The following STK39 variants were observed in gnomAD, a reference collection of about 807,000 sequenced individuals.
The protein encoded by STK39 is STE20/SPS1-related proline-alanine-rich protein kinase.
In STK39, 20 loss-of-function variants were observed where a neutral mutation model predicts 77.8. The ratio of observed to expected loss-of-function variants is 0.26; its 90% CI spans 0.18 to 0.37. The LOEUF is 0.37. Ranked by LOEUF, STK39 falls within the 10% of genes least tolerant of loss-of-function variation. The pLI is 1.00. For missense variants in STK39, 479 were observed against 656.5 expected (o/e 0.73, Z 2.95); for synonymous variants, 246 against 234.1 (o/e 1.05, Z -0.47).
chr2:168,173,546 T>TTTATAG (rs1688880279), intron 2 of STK39, among the ~76,000 whole-genome samples: 1 of 120,664 alleles, frequency 8.3e-6, no homozygotes, highest in Non-Finnish European at 1.6e-5. Flanking sequence ...AATTTTTTTA[T>TTTATAG]TTATATTTAT....
intron 12 of STK39, among the ~76,000 whole-genome samples, chr2:168,070,265 A>G (rs115694527): frequency 6.6e-6 from 1 of 152,122 alleles, no homozygotes; most frequent in Non-Finnish European, 1.5e-5. Flanking sequence ...CACAGTTCCA[A>G]GTGGAAATCA....
At chr2:168,192,225 C>CA (rs894744010) in intron 1 of STK39, among the ~76,000 whole-genome samples, 2 of 152,100 alleles carry the variant, frequency 1.3e-5, no homozygotes, top group African/African-American at 4.8e-5. Flanking sequence ...AACAGGGAAA[C>CA]AGCAGGCAAA....
intron 10 of STK39, among the ~76,000 whole-genome samples, chr2:168,106,675 A>C (rs1686982190): frequency 6.6e-6 from 1 of 152,096 alleles, no homozygotes; most frequent in South Asian, 2.1e-4. Context: ...CCAAAAAATT[A>C]GCTGGGCGTG....
At chr2:168,021,081 A>C (rs1684559046) in intron 14 of STK39, among the ~76,000 whole-genome samples, 1 of 152,150 alleles carries the variant, frequency 6.6e-6, no homozygotes, top group African/African-American at 2.4e-5. Context: ...AAAAATGAGG[A>C]ATTTGGTTGG....
In STK39 at chr2:168,011,207, G is replaced by A. The variant is rs537905623; in HGVS notation, c.1498+1427C>T. On this transcript the variant is annotated intron_variant, in intron 16 of 17. Transcript: ENST00000355999. ...CAAGCTATTTGGGAGGCTGAGGCAC[G>A]AGAATTGCTTGGACACGGGAGGCGG... Among the ~76,000 whole-genome samples, 10 of 152,216 alleles carry A rather than the reference G, an allele frequency of 6.6e-5. No individual in the cohort carries two copies. In the South Asian group the frequency reaches 1.5e-3, roughly 22 times the overall value.
At chr2:168,140,125 C>T (rs1296438978) in intron 7 of STK39, among the ~76,000 whole-genome samples, 164 bp downstream of exon 7, 1 of 152,208 alleles carries the variant, frequency 6.6e-6, no homozygotes, top group Non-Finnish European at 1.5e-5. Context: ...CTACTTTTGT[C>T]CTATTCTGTC....
intron 1 of STK39, among the ~76,000 whole-genome samples, chr2:168,188,828 C>T (rs1689270024): frequency 1.3e-5 from 2 of 152,224 alleles, no homozygotes; most frequent in African/African-American, 4.8e-5. Context: ...CGGTGAGACA[C>T]ACACAACTTG....
At chr2:168,222,324 G>A (rs1167292622) in intron 1 of STK39, among the ~76,000 whole-genome samples, 1 of 152,190 alleles carries the variant, frequency 6.6e-6, no homozygotes, top group Non-Finnish European at 1.5e-5. Context: ...TTGCTCTGGA[G>A]AGATGACAGG....
intron 1 of STK39, among the ~76,000 whole-genome samples, chr2:168,195,470 C>T (rs13422057): frequency 6.6e-6 from 1 of 152,176 alleles, no homozygotes; most frequent in Non-Finnish European, 1.5e-5. Context: ...AATTCTCCTG[C>T]ACATAATTTA....
At chr2:168,113,353 C>A in intron 10 of STK39, among the ~76,000 whole-genome samples, 1 of 152,102 alleles carries the variant, frequency 6.6e-6, no homozygotes. Flanking sequence ...CCAAAAGAAG[C>A]CATTGTTTAA....
At chr2:167,966,930 AT>A (rs1458785420) in intron 16 of STK39, among the ~76,000 whole-genome samples, 1 of 152,172 alleles carries the variant, frequency 6.6e-6, no homozygotes, top group Non-Finnish European at 1.5e-5. Context: ...GGTGATGCTA[AT>A]TTCTTTTCCA....
intron 17 of STK39, among the ~76,000 whole-genome samples, chr2:167,961,563 T>G (rs2105524047): frequency 6.6e-6 from 1 of 152,150 alleles, no homozygotes; most frequent in African/African-American, 2.4e-5. Context: ...GTCTCAAGGT[T>G]TACAACAATA....
chr2:168,025,912 G>A (rs1047898874), intron 14 of STK39, among the ~76,000 whole-genome samples: 1 of 152,200 alleles, frequency 6.6e-6, no homozygotes, highest in African/African-American at 2.4e-5. Flanking sequence ...CTGGTCAGCT[G>A]AGCCCAATTT....
intron 15 of STK39, among the ~76,000 whole-genome samples, chr2:168,014,613 T>C (rs761210371): frequency 1.3e-5 from 2 of 152,192 alleles, no homozygotes; most frequent in Non-Finnish European, 2.9e-5. Context: ...GCTAGAACAT[T>C]CAGTCTCATA....
At chr2:168,143,528 T>C (rs1243160575) in intron 5 of STK39, among the ~76,000 whole-genome samples, 2 of 152,088 alleles carry the variant, frequency 1.3e-5, no homozygotes, top group Non-Finnish European at 2.9e-5. Context: ...CAGGCCAACA[T>C]GGTGAAACCC....
At chr2:168,054,394 A>G (rs1685471407) in intron 14 of STK39, among the ~76,000 whole-genome samples, 1 of 152,258 alleles carries the variant, frequency 6.6e-6, no homozygotes, top group Non-Finnish European at 1.5e-5. Context: ...GATGGATGCT[A>G]TGGTGGTTTT....
chr2:168,082,635 T>C (rs546397905), intron 10 of STK39, among the ~76,000 whole-genome samples: 55 of 152,344 alleles, frequency 3.6e-4, no homozygotes, highest in African/African-American at 1.3e-3. Context: ...GCCTCCACGA[T>C]AAATGTGACT....
chr2:168,041,977 G>A (rs569496205), intron 14 of STK39, among the ~76,000 whole-genome samples: 1 of 152,234 alleles, frequency 6.6e-6, no homozygotes, highest in Non-Finnish European at 1.5e-5. Flanking sequence ...CTTGAATTTG[G>A]TATCAAGCAA....
intron 10 of STK39, among the ~76,000 whole-genome samples, chr2:168,095,962 A>C (rs891416563): frequency 6.6e-6 from 1 of 152,144 alleles, no homozygotes; most frequent in African/African-American, 2.4e-5. Flanking sequence ...AATAGGTGTT[A>C]TTTTCCCAAG....
Sources: gnomAD v4.1 joint callset for allele counts (sites outside exome capture counted in the v4.1 genomes callset) on GRCh38, gnomAD v4.1.1 for gene constraint, MANE v1.5 for transcripts, NCBI Gene and HGNC (gene_info 2026-07-23, HGNC 2026-07-21) for gene names.